ERBB4: variants seen among roughly 807,000 people sequenced by gnomAD.
ERBB4 encodes the protein erb-b2 receptor tyrosine kinase 4, also known as receptor tyrosine-protein kinase erbB-4.
Under a neutral mutation model 158.0 loss-of-function variants are expected in ERBB4, and 42 were observed. The observed-to-expected ratio is 0.27, with a 90% CI of 0.21 to 0.34. The LOEUF (loss-of-function observed/expected upper bound fraction) is 0.34. Ranked by LOEUF, ERBB4 falls within the 10% of genes least tolerant of loss-of-function variation. The pLI, the probability that ERBB4 is intolerant of heterozygous loss-of-function variation, is 1.00. For synonymous variants in ERBB4, 583 were observed against 558.7 expected (o/e 1.04, Z -0.61); for missense variants, 1,333 against 1,624.1 (o/e 0.82, Z 3.08).
intron 1 of ERBB4, among the ~76,000 whole-genome samples, chr2:212,146,621 C>A (rs2080683362): frequency 6.6e-6 from 1 of 152,102 alleles, no homozygotes; most frequent in African/African-American, 2.4e-5. Flanking sequence ...TACATAAACT[C>A]CTCTGGTACT....
intron 3 of ERBB4, among the ~76,000 whole-genome samples, chr2:211,789,811 G>A (rs186241131): frequency 6.6e-5 from 10 of 152,192 alleles, no homozygotes; most frequent in East Asian, 5.8e-4. Context: ...TGAAAGGAAC[G>A]TGTCACACCA....
At chr2:212,310,645 A>G (rs180776759) in intron 1 of ERBB4, among the ~76,000 whole-genome samples, 6,132 of 140,090 alleles carry the variant, frequency 0.044, 171 homozygotes, top group African/African-American at 0.081. Flanking sequence ...GTGTGTGTGT[A>G]TATATATATA....
At chr2:211,546,235 T>C (rs2066936293) in intron 20 of ERBB4, among the ~76,000 whole-genome samples, 1 of 152,126 alleles carries the variant, frequency 6.6e-6, no homozygotes, top group Non-Finnish European at 1.5e-5. Context: ...TGTGGCTACA[T>C]AGAATGACTC....
At chr2:211,815,001 G>A (rs981075576) in intron 3 of ERBB4, among the ~76,000 whole-genome samples, 2 of 152,136 alleles carry the variant, frequency 1.3e-5, no homozygotes, top group African/African-American at 4.8e-5. Flanking sequence ...CAGTTGATAG[G>A]TGTTTTTCCA....
intron 1 of ERBB4, among the ~76,000 whole-genome samples, chr2:212,420,048 C>T (rs548298483): frequency 2.0e-5 from 3 of 151,976 alleles, no homozygotes; most frequent in Non-Finnish European, 4.4e-5. Context: ...ATCTGCTAAG[C>T]TTTCATAAAA....
intron 20 of ERBB4, among the ~76,000 whole-genome samples, chr2:211,489,736 A>G (rs1433297462): frequency 4.0e-5 from 6 of 151,846 alleles, no homozygotes; most frequent in African/African-American, 1.5e-4. Context: ...AACATGACAA[A>G]TAGCATATGA....
At chr2:212,093,610 A>C (rs1222945311) in intron 2 of ERBB4, among the ~76,000 whole-genome samples, 1 of 152,188 alleles carries the variant, frequency 6.6e-6, no homozygotes, top group Non-Finnish European at 1.5e-5. Context: ...CCATTAATAA[A>C]CTGTGAACTC....
intron 3 of ERBB4, among the ~76,000 whole-genome samples, chr2:211,932,828 T>G (rs1165510881): frequency 1.3e-5 from 2 of 152,040 alleles, no homozygotes; most frequent in Non-Finnish European, 2.9e-5. Context: ...TCTCCCTGAT[T>G]TAAATTATAT....
intron 2 of ERBB4, among the ~76,000 whole-genome samples, chr2:212,068,498 C>T (rs944483513): frequency 6.6e-6 from 1 of 151,998 alleles, no homozygotes; most frequent in Non-Finnish European, 1.5e-5. Flanking sequence ...CAGCCAATTT[C>T]CCAAACAGGC....
At chr2:212,486,791 T>G (rs1690005291) in intron 1 of ERBB4, among the ~76,000 whole-genome samples, 1 of 152,170 alleles carries the variant, frequency 6.6e-6, no homozygotes, top group South Asian at 2.1e-4. Context: ...ACAGTTACCT[T>G]GTAAGCAGCA....
At chr2:212,233,008 T>C (rs1483431318) in intron 1 of ERBB4, among the ~76,000 whole-genome samples, 1 of 152,204 alleles carries the variant, frequency 6.6e-6, no homozygotes, top group East Asian at 1.9e-4. Context: ...TACTTATTCC[T>C]GAATGCATTG....
intron 5 of ERBB4, among the ~76,000 whole-genome samples, chr2:211,745,519 G>A (rs2074938578): frequency 6.6e-6 from 1 of 151,960 alleles, no homozygotes; most frequent in Non-Finnish European, 1.5e-5. Flanking sequence ...GACTTCACAA[G>A]GTGGAACTGG....
chr2:211,706,013 C>T (rs1352237802), intron 9 of ERBB4, among the ~76,000 whole-genome samples: 3 of 152,042 alleles, frequency 2.0e-5, no homozygotes, highest in African/African-American at 2.4e-5. Flanking sequence ...AGGAACTATT[C>T]GCTTCCAAGT....
At chr2:212,235,124 C>T (rs888792970) in intron 1 of ERBB4, among the ~76,000 whole-genome samples, 7 of 152,102 alleles carry the variant, frequency 4.6e-5, no homozygotes, top group Non-Finnish European at 8.8e-5. Flanking sequence ...ACATTTAAGT[C>T]GTTAATCCAT....
chr2:211,456,639 TA>T (rs1292920915), intron 20 of ERBB4, among the ~76,000 whole-genome samples: 2 of 152,162 alleles, frequency 1.3e-5, no homozygotes, highest in African/African-American at 4.8e-5. Flanking sequence ...CCCAACATTT[TA>T]GGATCCAGGG....
At chr2:211,935,267 G>A (rs1029001614) in intron 3 of ERBB4, among the ~76,000 whole-genome samples, 1 of 152,132 alleles carries the variant, frequency 6.6e-6, no homozygotes, top group Admixed American at 6.6e-5. Flanking sequence ...GAAATACCCG[G>A]AAACCTGGTA....
intron 2 of ERBB4, among the ~76,000 whole-genome samples, chr2:212,019,744 A>G (rs1009851888): frequency 4.7e-5 from 7 of 149,238 alleles, no homozygotes; most frequent in Admixed American, 2.0e-4. Flanking sequence ...CCTGGAAAAC[A>G]AAGCAACATT....
chr2:211,756,259 G>A (rs888492803), intron 4 of ERBB4, among the ~76,000 whole-genome samples: 19 of 152,148 alleles, frequency 1.2e-4, no homozygotes, highest in African/African-American at 4.6e-4. Context: ...GGAGAGAAAG[G>A]ATTGCAGAAG....
rs2071590332 is a variant in ERBB4 at position 211,665,393 on chromosome 2, T to C, written c.1801A>G (p.Asn601Asp). ...EKCPDGLQGA[N>D]SFIFKYADPD... is the part of the protein sequence containing the mutation. ...TCAGCATACTTGAAAATGAAACTGT[T>C]TGCCCCCTGTAAGCCATCTGGACAT... Residue 601 changes from asparagine (N) to aspartate (D), a missense_variant, in exon 15 of 28, where the codon AAC becomes GAC. Asn to Asp is a conservative substitution (Grantham distance 23). This residue lies in a region of ERBB4 where 245 missense variants were observed against 247.5 expected (regional missense o/e 0.99). Coordinates refer to ENST00000342788, the MANE Select transcript of ERBB4 (RefSeq NM_005235.3). The C allele has an allele frequency of 1.2e-6, 2 of 1,614,088 alleles. No homozygotes were observed. The highest frequency in any genetic ancestry group is 4.5e-5 in the East Asian group (2 of 44,874).
Sources: allele counts gnomAD v4.1 joint callset (sites outside exome capture counted in the v4.1 genomes callset), GRCh38; gene constraint gnomAD v4.1.1; regional missense constraint gnomAD v4.1.1; transcripts MANE v1.5; gene names NCBI Gene and HGNC (gene_info 2026-07-23, HGNC 2026-07-21).